Variants in NNT observed in about 807,000 individuals in gnomAD.
NNT encodes the protein nicotinamide nucleotide transhydrogenase.
NNT carries 50 observed loss-of-function variants against 104.8 expected under a neutral mutation model. The observed-to-expected ratio is 0.48, with a 90% CI of 0.38 to 0.60. The LOEUF (loss-of-function observed/expected upper bound fraction) is 0.60. Among genes scored for constraint, NNT ranks in the 20% least tolerant of loss-of-function variants. The pLI is 0.00. For synonymous variants in NNT, 461 were observed against 490.4 expected (o/e 0.94, Z 0.79); for missense variants, 1,131 against 1,330.7 (o/e 0.85, Z 2.33).
intron 19 of NNT, among the ~76,000 whole-genome samples, chr5:43,686,347 A>G (rs1161749978): frequency 6.6e-6 from 1 of 152,044 alleles, no homozygotes; most frequent in Non-Finnish European, 1.5e-5. Flanking sequence ...TATCTGTTAA[A>G]TGGTTAAAAA....
At chr5:43,626,297 A>C (rs1750359015) in intron 6 of NNT, among the ~76,000 whole-genome samples, 2 of 152,138 alleles carry the variant, frequency 1.3e-5, no homozygotes, top group Admixed American at 1.3e-4. Context: ...AGATGATTTA[A>C]ACTATTTGGG....
chr5:43,642,284 C>T (rs1023752917), intron 7 of NNT, among the ~76,000 whole-genome samples: 6 of 152,056 alleles, frequency 3.9e-5, no homozygotes, highest in African/African-American at 7.2e-5. Flanking sequence ...TATGTTGAGG[C>T]GGCCATATGA....
At chr5:43,693,782 C>A (rs1742413073) in intron 19 of NNT, among the ~76,000 whole-genome samples, 1 of 152,100 alleles carries the variant, frequency 6.6e-6, no homozygotes, top group Non-Finnish European at 1.5e-5. Flanking sequence ...GGTTGAAGAA[C>A]CTAAAACCTG....
rs190743367 is a variant in NNT at position 43,628,448 on chromosome 5, G to A, written c.964+61G>A. Reference sequence around the variant, plus strand: ...TTTTACTCTTTTTTTTTAAAAAAAAGCGAGAGTGAATGATTGCTTAACATT... The same window carrying A: ...TTTTACTCTTTTTTTTTAAAAAAAAACGAGAGTGAATGATTGCTTAACATT... On this transcript the variant is annotated intron_variant, in intron 7 of 21. Coordinates refer to ENST00000344920, the MANE Select transcript of NNT (RefSeq NM_182977.3). 2.0e-3 allele frequency: 2,595 copies of A among 1,289,472 alleles called. 13 individuals are homozygous for A. Among genetic ancestry groups the A allele is most frequent in the Middle Eastern group, 2.7e-3 (10 of 3,718 alleles). The allele number at this position is 1,289,472 out of a possible 1,614,324, so 79.9% of individuals were successfully genotyped here.
At chr5:43,690,375 G>A (rs1742204896) in intron 19 of NNT, among the ~76,000 whole-genome samples, 1 of 152,122 alleles carries the variant, frequency 6.6e-6, no homozygotes, top group South Asian at 2.1e-4. Context: ...GATTTTAAAT[G>A]TCATGTAGAA....
chr5:43,698,550 T>C (rs867672645), intron 19 of NNT, among the ~76,000 whole-genome samples: 2 of 152,166 alleles, frequency 1.3e-5, no homozygotes, highest in South Asian at 4.1e-4. Flanking sequence ...CCTAACTGTA[T>C]GTATAGCTCA....
At chr5:43,611,748 C>G (rs924622556) in intron 2 of NNT, among the ~76,000 whole-genome samples, 2 of 152,060 alleles carry the variant, frequency 1.3e-5, no homozygotes, top group Non-Finnish European at 2.9e-5. Context: ...ATATTCAGAT[C>G]TTAGGTTGCA....
At chr5:43,649,834 T>A (rs927109372) in intron 11 of NNT, among the ~76,000 whole-genome samples, 1 of 152,212 alleles carries the variant, frequency 6.6e-6, no homozygotes, top group African/African-American at 2.4e-5. Context: ...CAGCAGTCCA[T>A]GTGGTTGCCC....
chr5:43,607,027 G>GC (rs1749260783), intron 1 of NNT, among the ~76,000 whole-genome samples: 1 of 150,024 alleles, frequency 6.7e-6, no homozygotes, highest in African/African-American at 2.5e-5. Context: ...TTGCTCTCTC[G>GC]CCCAGGCTGG....
chr5:43,631,217 G>A (rs1261386676), intron 7 of NNT, among the ~76,000 whole-genome samples: 1 of 152,170 alleles, frequency 6.6e-6, no homozygotes, highest in Admixed American at 6.5e-5. Context: ...GCATCTGTAA[G>A]TGTAGGAATG....
Position 43,649,252 on chromosome 5 carries a change from G to A in NNT, c.1550G>A (p.Trp517Ter). ...GGCATTGTGGGGTATCATACCGTCTGGGGAGTGACCCCTGCTCTCCACTCA... is the reference window on the plus strand; with the variant it reads ...GGCATTGTGGGGTATCATACCGTCTAGGGAGTGACCCCTGCTCTCCACTCA... ...LAGIVGYHTV[W>*]GVTPALHSPL... Residue 517 changes from tryptophan (W) to a stop codon, truncating the protein, a stop_gained, in exon 11 of 22, where the codon TGG (tryptophan) becomes TAG (stop). Transcript: ENST00000344920. LOFTEE classifies it high-confidence loss of function. The A allele has an allele frequency of 1.2e-6, 2 of 1,614,158 alleles. No homozygotes were observed. Among genetic ancestry groups the A allele is most frequent in the Non-Finnish European group, 8.5e-7 (1 of 1,180,012 alleles).
At chr5:43,649,369 G>A in intron 11 of NNT, 61 bp downstream of exon 11, 2 of 1,567,770 alleles carry the variant, frequency 1.3e-6, no homozygotes, top group East Asian at 2.2e-5. Context: ...AGCTCTAGGA[G>A]GACTATCAAT....
At chr5:43,697,341 A>C (rs1014139611) in intron 19 of NNT, among the ~76,000 whole-genome samples, 3 of 152,094 alleles carry the variant, frequency 2.0e-5, no homozygotes, top group Non-Finnish European at 2.9e-5. Context: ...CCTCATCTCC[A>C]TCTGAGACCA....
chr5:43,647,974 G>A lies in NNT; in HGVS notation c.1445-1173G>A, dbSNP rs773221317. On this transcript the variant is annotated intron_variant, in intron 10 of 21. Coordinates refer to ENST00000344920, the MANE Select transcript of NNT (RefSeq NM_182977.3). ...TTACCTATGAAGACACTGAAGCACA[G>A]AGAGGTTAAGTAACTTGCCTGAGAT... is the stretch of plus-strand genomic sequence containing the variant. 2.0e-5 allele frequency: 11 copies of A among 543,202 alleles called. No individual in the cohort carries two copies. The East Asian group carries it at 7.4e-4, about 37-fold the overall frequency. The allele number at this position is 543,202 out of a possible 1,614,324, so 33.6% of individuals were successfully genotyped here.
At chr5:43,683,659 A>AT (rs1741834555) in intron 19 of NNT, among the ~76,000 whole-genome samples, 1 of 152,230 alleles carries the variant, frequency 6.6e-6, no homozygotes, top group Admixed American at 6.5e-5. Flanking sequence ...TTTTCATTTT[A>AT]TTGAGCTCAT....
intron 20 of NNT, among the ~76,000 whole-genome samples, chr5:43,701,884 A>G (rs1043313448): frequency 6.6e-6 from 1 of 152,140 alleles, no homozygotes; most frequent in African/African-American, 2.4e-5. Context: ...TTCTTTTGAG[A>G]AATGTCTGTT....
At chr5:43,656,915 G>GA in intron 16 of NNT, 102 bp downstream of exon 16, 5 of 1,149,428 alleles carry the variant, frequency 4.3e-6, no homozygotes, top group Non-Finnish European at 6.1e-6. Flanking sequence ...GAACCTTGAT[G>GA]GAATAAAAAT....
At position 43,705,432 on chromosome 5, in the gene NNT, G is replaced by A. The variant is rs1743063956; in HGVS notation, c.*1028G>A. The A allele has an allele frequency of 6.6e-6, 1 of 151,938 alleles. No homozygotes were observed. Among genetic ancestry groups the A allele is most frequent in the South Asian group, 2.1e-4 (1 of 4,814 alleles). 9.4% of individuals were successfully genotyped at this position (151,938 alleles called of 1,614,324 possible). A position where few individuals can be genotyped will look rare whatever the true frequency, so the allele number is the denominator to read the frequency against. On this transcript the variant is annotated 3_prime_UTR_variant, in exon 22 of 22. Coordinates refer to ENST00000344920, the MANE Select transcript of NNT (RefSeq NM_182977.3). ...TTGATGACATTTGAGAGAAATGGTG[G>A]CTTTTTTTAGCTACCTCTTTGTTCA... is the stretch of plus-strand genomic sequence containing the variant.
In NNT at chr5:43,706,218, G is replaced by A. The variant is rs1275985075; in HGVS notation, c.*1814G>A. ...ACTTTATTGGTTAGGATATTTAAAGGATTTTTGTATATATAATTTCTTAAA... is the reference window on the plus strand; with the variant it reads ...ACTTTATTGGTTAGGATATTTAAAGAATTTTTGTATATATAATTTCTTAAA... On this transcript the variant is annotated 3_prime_UTR_variant, in exon 22 of 22. Transcript: ENST00000344920. The A allele has an allele frequency of 4.0e-5, 6 of 151,246 alleles. No homozygotes were observed. Among genetic ancestry groups the A allele is most frequent in the Non-Finnish European group, 8.9e-5 (6 of 67,790 alleles). The allele number at this position is 151,246 out of a possible 1,614,324, so 9.4% of individuals were successfully genotyped here.
Sources: allele counts gnomAD v4.1 joint callset (sites outside exome capture counted in the v4.1 genomes callset), GRCh38; gene constraint gnomAD v4.1.1; transcripts MANE v1.5; gene names NCBI Gene and HGNC (gene_info 2026-07-23, HGNC 2026-07-21).